The following CNBD1 variants were observed in gnomAD, a reference collection of about 807,000 sequenced individuals.
The protein encoded by CNBD1 is cyclic nucleotide-binding domain-containing protein 1.
In CNBD1, 71 loss-of-function variants were observed where a neutral mutation model predicts 54.4. The observed-to-expected ratio is 1.30, with a 90% confidence interval of 1.08 to 1.59. The LOEUF (loss-of-function observed/expected upper bound fraction) is 1.59. Among genes scored for constraint, CNBD1 ranks in the 40% most tolerant of loss-of-function variants. CNBD1 has a pLI of 0.00. For missense variants in CNBD1, 659 were observed against 518.0 expected (o/e 1.27, Z -2.64); for synonymous variants, 182 against 170.7 (o/e 1.07, Z -0.51).
chr8:87,387,738 A>G (rs183577147), downstream of CNBD1, among the ~76,000 whole-genome samples: 13 of 152,120 alleles, frequency 8.5e-5, no homozygotes, highest in African/African-American at 2.7e-4. Context: ...ACTCAACTCA[A>G]CTCTGCACCA....
chr8:87,131,589 C>T (rs942915763), intron 4 of CNBD1, among the ~76,000 whole-genome samples: 2 of 151,964 alleles, frequency 1.3e-5, no homozygotes, highest in Admixed American at 6.6e-5. Flanking sequence ...AGTTGTATCT[C>T]ATTATTTATA....
chr8:87,105,066 A>G (rs1308889293), intron 4 of CNBD1, among the ~76,000 whole-genome samples: 1 of 152,176 alleles, frequency 6.6e-6, no homozygotes, highest in African/African-American at 2.4e-5. Context: ...AACGGTTTTA[A>G]TTATACAACA....
intron 4 of CNBD1, among the ~76,000 whole-genome samples, chr8:87,067,203 G>A (rs1310910159): frequency 6.6e-6 from 1 of 151,912 alleles, no homozygotes; most frequent in African/African-American, 2.4e-5. Flanking sequence ...GGTGCTTATA[G>A]ATTAACAAAG....
At chr8:87,350,723 T>C (rs927918272) in intron 8 of CNBD1, among the ~76,000 whole-genome samples, 1 of 152,110 alleles carries the variant, frequency 6.6e-6, no homozygotes, top group African/African-American at 2.4e-5. Context: ...ATATTTAGGT[T>C]ACTACTGCTG....
At chr8:86,936,682 G>A (rs1318958001) in intron 3 of CNBD1, among the ~76,000 whole-genome samples, 1 of 149,426 alleles carries the variant, frequency 6.7e-6, no homozygotes, top group Non-Finnish European at 1.5e-5. Context: ...GGCAGAGCTT[G>A]CAGTGAGCTG....
At chr8:87,027,633 A>G (rs1352731602) in intron 4 of CNBD1, among the ~76,000 whole-genome samples, 1 of 152,208 alleles carries the variant, frequency 6.6e-6, no homozygotes, top group East Asian at 1.9e-4. Flanking sequence ...TCCAAAAAGT[A>G]CCACAGAAGA....
At chr8:87,382,015 T>C (rs1415217721) in intron 10 of CNBD1, among the ~76,000 whole-genome samples, 1 of 151,910 alleles carries the variant, frequency 6.6e-6, no homozygotes, top group African/African-American at 2.4e-5. Context: ...CTTACCATGA[T>C]AATATAACAT....
intron 5 of CNBD1, among the ~76,000 whole-genome samples, chr8:87,211,607 C>A (rs1369614369): frequency 1.3e-5 from 2 of 152,064 alleles, no homozygotes; most frequent in African/African-American, 4.8e-5. Flanking sequence ...ATGTGTATGG[C>A]ACCTCCCCTT....
intron 4 of CNBD1, among the ~76,000 whole-genome samples, chr8:86,995,548 G>A (rs1398780074): frequency 6.6e-6 from 1 of 152,060 alleles, no homozygotes; most frequent in Non-Finnish European, 1.5e-5. Flanking sequence ...AGTTTTGAAG[G>A]GTAAGAAGTG....
intron 4 of CNBD1, among the ~76,000 whole-genome samples, chr8:87,103,022 C>T (rs976157923): frequency 6.6e-6 from 1 of 152,078 alleles, no homozygotes. Flanking sequence ...AAGGTGGTAG[C>T]GTTTACTAAG....
rs115933597 is a variant in CNBD1, at chr8:87,353,120, C to T, written c.1153-516C>T. Reference sequence around the variant, plus strand: ...TTATTTGAACCAAAATTATAGTTCCCTGAGTCAAACTCATTTTCCATGTTT... The same window carrying T: ...TTATTTGAACCAAAATTATAGTTCCTTGAGTCAAACTCATTTTCCATGTTT... On this transcript the variant is annotated intron_variant, in intron 9 of 10. Transcript: ENST00000518476. 8.8e-3 allele frequency among the ~76,000 whole-genome samples: 1,336 copies of T among 152,272 alleles called. 35 individuals are homozygous for T. The highest frequency in any genetic ancestry group is 0.03 in the African/African-American group (1,267 of 41,554).
chr8:87,249,390 C>G (rs1807868095), intron 6 of CNBD1, among the ~76,000 whole-genome samples: 1 of 152,096 alleles, frequency 6.6e-6, no homozygotes. Flanking sequence ...TGATTCTTAA[C>G]AGGCCACAGA....
At chr8:87,292,243 A>G (rs1808801649) in intron 8 of CNBD1, among the ~76,000 whole-genome samples, 1 of 152,226 alleles carries the variant, frequency 6.6e-6, no homozygotes, top group Non-Finnish European at 1.5e-5. Flanking sequence ...GAAAGGCTAT[A>G]CTGTCTTAAA....
At chr8:86,979,664 T>C (rs958367301) in intron 4 of CNBD1, among the ~76,000 whole-genome samples, 82 of 152,282 alleles carry the variant, frequency 5.4e-4, no homozygotes, top group Middle Eastern at 3.4e-3. Flanking sequence ...GATAAATAAA[T>C]ATTACAGACA....
At chr8:87,297,344 T>A (rs1349654997) in intron 8 of CNBD1, among the ~76,000 whole-genome samples, 1 of 152,086 alleles carries the variant, frequency 6.6e-6, no homozygotes, top group African/African-American at 2.4e-5. Context: ...TTACAGCGTA[T>A]CTCTATTTGA....
chr8:87,346,169 G>A (rs977153272), intron 8 of CNBD1, among the ~76,000 whole-genome samples: 2 of 151,904 alleles, frequency 1.3e-5, no homozygotes, highest in Non-Finnish European at 2.9e-5. Context: ...AGCCTCCCAA[G>A]TAGCTGAGAT....
At chr8:87,190,302 T>C (rs1212903627) in intron 4 of CNBD1, among the ~76,000 whole-genome samples, 2 of 152,182 alleles carry the variant, frequency 1.3e-5, no homozygotes, top group Non-Finnish European at 2.9e-5. Context: ...GTGTGCAGGA[T>C]ACATTTTCTA....
intron 4 of CNBD1, among the ~76,000 whole-genome samples, chr8:87,119,854 C>T (rs1285917520): frequency 2.0e-5 from 3 of 151,474 alleles, no homozygotes; most frequent in Non-Finnish European, 4.4e-5. Flanking sequence ...GGTTTTTGTC[C>T]ATTTTGTTGA....
At chr8:86,994,932 G>C (rs1158911370) in intron 4 of CNBD1, among the ~76,000 whole-genome samples, 4 of 152,062 alleles carry the variant, frequency 2.6e-5, no homozygotes, top group Non-Finnish European at 5.9e-5. Context: ...GCTACGTATG[G>C]GTCAAGGAAG....
Sources: allele counts gnomAD v4.1 joint callset (sites outside exome capture counted in the v4.1 genomes callset), GRCh38; gene constraint gnomAD v4.1.1; transcripts MANE v1.5; gene names NCBI Gene and HGNC (gene_info 2026-07-23, HGNC 2026-07-21).